The following ADGRL2 variants were observed in gnomAD, a reference collection of about 807,000 sequenced individuals.
The protein encoded by ADGRL2 is adhesion G protein-coupled receptor L2, also known as calcium-independent alpha-latrotoxin receptor 2.
ADGRL2 carries 44 observed loss-of-function variants against 157.4 expected under a neutral mutation model. The observed-to-expected ratio is 0.28, with a 90% CI of 0.22 to 0.36. The LOEUF is 0.36. ADGRL2 is among the 10% of genes least tolerant of loss of function. The pLI, the probability that ADGRL2 is intolerant of heterozygous loss-of-function variation, is 1.00. For missense variants in ADGRL2, 1,510 were observed against 1,768.9 expected (o/e 0.85, Z 2.63); for synonymous variants, 585 against 624.7 (o/e 0.94, Z 0.95).
intron 1 of ADGRL2, among the ~76,000 whole-genome samples, chr1:81,323,380 T>C (rs1461088052): frequency 1.3e-5 from 2 of 150,574 alleles, no homozygotes; most frequent in Non-Finnish European, 1.5e-5. Context: ...ACTGAGACCA[T>C]AGGTACGAGC....
chr1:81,422,536 C>T (rs762691625), intron 1 of ADGRL2, among the ~76,000 whole-genome samples: 6 of 152,244 alleles, frequency 3.9e-5, no homozygotes, highest in Non-Finnish European at 5.9e-5. Context: ...TGGGCCACCA[C>T]GCCCAGCCAA....
intron 3 of ADGRL2, among the ~76,000 whole-genome samples, chr1:81,930,756 A>G (rs1485561099): frequency 6.6e-6 from 1 of 151,888 alleles, no homozygotes; most frequent in African/African-American, 2.4e-5. Flanking sequence ...GCTTCATTCC[A>G]GAATTGAACC....
intron 1 of ADGRL2, among the ~76,000 whole-genome samples, chr1:81,742,791 A>T (rs1165595058): frequency 2.0e-5 from 3 of 152,032 alleles, no homozygotes; most frequent in Non-Finnish European, 2.9e-5. Flanking sequence ...TTTGTATTTA[A>T]TTATTAATAT....
At chr1:81,668,171 C>A in intron 3 of ADGRL2, among the ~76,000 whole-genome samples, 1 of 151,892 alleles carries the variant, frequency 6.6e-6, no homozygotes, top group Non-Finnish European at 1.5e-5. Flanking sequence ...GCCTGTAATC[C>A]CAGCACTTTG....
intron 6 of ADGRL2, among the ~76,000 whole-genome samples, chr1:81,945,726 A>G (rs952932021): frequency 4.6e-5 from 7 of 152,110 alleles, no homozygotes; most frequent in Admixed American, 1.3e-4. Context: ...TGTTCCTACA[A>G]CTATGGTTTG....
At chr1:81,331,214 C>G (rs909376897) in intron 1 of ADGRL2, among the ~76,000 whole-genome samples, 7 of 152,034 alleles carry the variant, frequency 4.6e-5, no homozygotes, top group Non-Finnish European at 1.0e-4. Flanking sequence ...AAACATCAGA[C>G]AGTATGAAAT....
At chr1:81,612,691 A>G (rs2081566993) in intron 3 of ADGRL2, among the ~76,000 whole-genome samples, 1 of 152,084 alleles carries the variant, frequency 6.6e-6, no homozygotes, top group Admixed American at 6.6e-5. Flanking sequence ...ATATATCAAA[A>G]AGAGAAGGAC....
chr1:81,818,206 A>G (rs1257955363), intron 1 of ADGRL2, among the ~76,000 whole-genome samples: 1 of 152,074 alleles, frequency 6.6e-6, no homozygotes, highest in African/African-American at 2.4e-5. Flanking sequence ...TAAAAATCAC[A>G]ATCATATTAA....
chr1:81,560,705 A>G (rs1317394865), intron 2 of ADGRL2, among the ~76,000 whole-genome samples: 1 of 152,154 alleles, frequency 6.6e-6, no homozygotes, highest in African/African-American at 2.4e-5. Context: ...TGAAGAAGGA[A>G]GAGAAAGAAA....
At chr1:81,530,975 T>G (rs2079583866) in intron 2 of ADGRL2, among the ~76,000 whole-genome samples, 1 of 151,806 alleles carries the variant, frequency 6.6e-6, no homozygotes, top group East Asian at 2.0e-4. Context: ...TCCTAGCTAC[T>G]TGGGAGGCTG....
chr1:81,785,144 C>T (rs1426801534), intron 2 of ADGRL2, among the ~76,000 whole-genome samples: 1 of 152,044 alleles, frequency 6.6e-6, no homozygotes, highest in Non-Finnish European at 1.5e-5. Context: ...TAAATGGAGT[C>T]TATTCCATCA....
chr1:81,447,280 T>C (rs949480423), intron 2 of ADGRL2, among the ~76,000 whole-genome samples: 4 of 152,252 alleles, frequency 2.6e-5, no homozygotes, highest in African/African-American at 9.6e-5. Flanking sequence ...TAAAAGTGTA[T>C]AATATATTGA....
chr1:81,650,437 A>G (rs537081230), intron 3 of ADGRL2, among the ~76,000 whole-genome samples: 35 of 151,286 alleles, frequency 2.3e-4, no homozygotes, highest in African/African-American at 7.4e-4. Flanking sequence ...TTAGCTGGGC[A>G]TGGTGGCACA....
intron 1 of ADGRL2, among the ~76,000 whole-genome samples, chr1:81,437,404 TATC>T (rs2101653600): frequency 6.6e-6 from 1 of 152,296 alleles, no homozygotes; most frequent in South Asian, 2.1e-4. Context: ...GGCCTTGTGT[TATC>T]ATCCCAGGAA....
chr1:81,644,669 C>A (rs1238782641), intron 3 of ADGRL2, among the ~76,000 whole-genome samples: 1 of 152,074 alleles, frequency 6.6e-6, no homozygotes, highest in Non-Finnish European at 1.5e-5. Flanking sequence ...ATAGAAGGTA[C>A]AAAATCAAGA....
intron 1 of ADGRL2, among the ~76,000 whole-genome samples, chr1:81,357,073 T>C (rs1185198123): frequency 6.6e-6 from 1 of 151,532 alleles, no homozygotes. Context: ...AGCTAGGTAA[T>C]GGCTGCTAAC....
At chr1:81,524,735 T>G (rs1231901020) in intron 2 of ADGRL2, among the ~76,000 whole-genome samples, 1 of 152,128 alleles carries the variant, frequency 6.6e-6, no homozygotes, top group East Asian at 1.9e-4. Flanking sequence ...TTTATGTTTT[T>G]AAAATGGAGT....
intron 1 of ADGRL2, among the ~76,000 whole-genome samples, chr1:81,748,511 A>G (rs937867269): frequency 1.3e-5 from 2 of 151,450 alleles, no homozygotes; most frequent in African/African-American, 2.4e-5. Context: ...AAAAAAGAAA[A>G]CAGTAGAAGA....
intron 2 of ADGRL2, among the ~76,000 whole-genome samples, chr1:81,498,462 T>G (rs1250979183): frequency 6.6e-6 from 1 of 151,958 alleles, no homozygotes; most frequent in Non-Finnish European, 1.5e-5. Context: ...TCAGAAGAGG[T>G]TTATATCTCT....
Sources: gnomAD v4.1 joint callset for allele counts (sites outside exome capture counted in the v4.1 genomes callset) on GRCh38, gnomAD v4.1.1 for gene constraint, MANE v1.5 for transcripts, NCBI Gene and HGNC (gene_info 2026-07-23, HGNC 2026-07-21) for gene names.